Variants in TBX15 observed in about 807,000 individuals in gnomAD.
TBX15 encodes T-box transcription factor TBX15.
In TBX15, 18 loss-of-function variants were observed where a neutral mutation model predicts 53.9. That is an observed-to-expected ratio of 0.33 (90% CI 0.23 to 0.49). The LOEUF is 0.49. Among genes scored for constraint, TBX15 ranks in the 20% least tolerant of loss-of-function variants. The pLI, the probability that TBX15 is intolerant of heterozygous loss-of-function variation, is 0.98. For synonymous variants in TBX15, 295 were observed against 278.0 expected, an observed-to-expected ratio of 1.06 and a Z score of -0.61; for missense variants, 692 against 749.5, an observed-to-expected ratio of 0.92 and a Z score of 0.90.
intron 1 of TBX15, among the ~76,000 whole-genome samples, chr1:118,972,535 G>A (rs1457524614): frequency 6.6e-6 from 1 of 152,120 alleles, no homozygotes; most frequent in Admixed American, 6.5e-5. Flanking sequence ...AAAAGTAGGC[G>A]AGGAGGGTAG....
At chr1:118,921,510 C>T (rs563222865) in intron 5 of TBX15, among the ~76,000 whole-genome samples, 45 of 152,268 alleles carry the variant, frequency 3.0e-4, no homozygotes, top group Admixed American at 2.6e-3. Context: ...AGGCCAATTC[C>T]TCATTTTCTA....
At chr1:118,953,679 T>C (rs1351692827) in intron 1 of TBX15, among the ~76,000 whole-genome samples, 3 of 152,240 alleles carry the variant, frequency 2.0e-5, no homozygotes, top group Non-Finnish European at 4.4e-5. Context: ...ACCAACACTT[T>C]ATACACAGGA....
intron 6 of TBX15, among the ~76,000 whole-genome samples, chr1:118,911,791 G>A (rs534084667): frequency 2.6e-5 from 4 of 152,276 alleles, no homozygotes; most frequent in East Asian, 1.9e-4. Flanking sequence ...CCTGGCACAC[G>A]TCTGTCTTTG....
chr1:118,985,108 T>C (rs1376017552), intron 1 of TBX15, among the ~76,000 whole-genome samples: 2 of 151,736 alleles, frequency 1.3e-5, no homozygotes, highest in African/African-American at 4.8e-5. Flanking sequence ...TGTGTGTTTG[T>C]GTGTGTGTGT....
intron 7 of TBX15, among the ~76,000 whole-genome samples, chr1:118,896,817 G>T (rs1654445176): frequency 6.6e-6 from 1 of 152,056 alleles, no homozygotes; most frequent in African/African-American, 2.4e-5. Flanking sequence ...AGAGGGGATG[G>T]GTGTTGTTGG....
intron 1 of TBX15, among the ~76,000 whole-genome samples, chr1:118,947,360 C>T (rs1423710937): frequency 6.6e-6 from 1 of 152,202 alleles, no homozygotes; most frequent in East Asian, 1.9e-4. Context: ...TAAATACAGT[C>T]AACTGCATTA....
At chr1:118,916,694 T>A (rs1266494123) in intron 5 of TBX15, among the ~76,000 whole-genome samples, 1 of 151,852 alleles carries the variant, frequency 6.6e-6, no homozygotes, top group South Asian at 2.1e-4. Context: ...TGAAACACCA[T>A]CTCTACTTAA....
At chr1:118,947,539 G>C (rs1394391337) in intron 1 of TBX15, among the ~76,000 whole-genome samples, 1 of 152,194 alleles carries the variant, frequency 6.6e-6, no homozygotes, top group Non-Finnish European at 1.5e-5. Context: ...ACACATCTGT[G>C]AGAAGTGGAG....
chr1:118,921,987 A>C (rs973424284), intron 5 of TBX15, among the ~76,000 whole-genome samples: 1 of 152,250 alleles, frequency 6.6e-6, no homozygotes, highest in South Asian at 2.1e-4. Context: ...GTTAGGTAAC[A>C]GCTCTGACCT....
intron 7 of TBX15, among the ~76,000 whole-genome samples, chr1:118,886,621 C>G (rs1368515483): frequency 2.0e-5 from 3 of 152,184 alleles, no homozygotes; most frequent in Non-Finnish European, 4.4e-5. Flanking sequence ...GGCTTAAGAA[C>G]CAATCATACA....
chr1:118,931,244 CT>C (rs1269225303), intron 2 of TBX15, among the ~76,000 whole-genome samples: 1 of 152,148 alleles, frequency 6.6e-6, no homozygotes, highest in Non-Finnish European at 1.5e-5. Flanking sequence ...GCTTTAAATA[CT>C]TTAGAAGATG....
chr1:118,964,066 T>G (rs553783285), intron 1 of TBX15, among the ~76,000 whole-genome samples: 43 of 152,348 alleles, frequency 2.8e-4, no homozygotes, highest in African/African-American at 9.6e-4. Flanking sequence ...CCATGTATCA[T>G]GCTGTGCCCT....
chr1:118,890,111 C>T (rs1654087746), intron 7 of TBX15, among the ~76,000 whole-genome samples: 1 of 152,180 alleles, frequency 6.6e-6, no homozygotes, highest in Non-Finnish European at 1.5e-5. Context: ...GTTTGTTGTA[C>T]ATGCTAGAGG....
At chr1:118,982,528 G>A (rs1050875611) in intron 1 of TBX15, among the ~76,000 whole-genome samples, 2 of 152,140 alleles carry the variant, frequency 1.3e-5, no homozygotes, top group African/African-American at 2.4e-5. Flanking sequence ...CGAGGAACTC[G>A]TTTCCATGTT....
chr1:118,982,173 C>T (rs189303679), intron 1 of TBX15, among the ~76,000 whole-genome samples: 2 of 152,298 alleles, frequency 1.3e-5, no homozygotes, highest in Admixed American at 6.5e-5. Flanking sequence ...CCAATCTGCC[C>T]TTTATCCCTG....
At chr1:118,902,232 G>C (rs1654655639) in intron 6 of TBX15, among the ~76,000 whole-genome samples, 1 of 151,962 alleles carries the variant, frequency 6.6e-6, no homozygotes, top group Admixed American at 6.6e-5. Flanking sequence ...TATTCTACCT[G>C]TTTTATTTGT....
At chr1:118,902,011 C>T (rs992841622) in intron 6 of TBX15, among the ~76,000 whole-genome samples, 6 of 151,992 alleles carry the variant, frequency 3.9e-5, no homozygotes, top group Admixed American at 1.3e-4. Flanking sequence ...ACCATACATG[C>T]CTAACCATGT....
At chr1:118,907,607 C>G (rs1654882154) in intron 6 of TBX15, among the ~76,000 whole-genome samples, 1 of 152,138 alleles carries the variant, frequency 6.6e-6, no homozygotes, top group South Asian at 2.1e-4. Flanking sequence ...TGTCATGCTC[C>G]CTCTAGCTGA....
chr1:118,889,698 A>G (rs1298020603), intron 7 of TBX15, among the ~76,000 whole-genome samples: 1 of 152,246 alleles, frequency 6.6e-6, no homozygotes, highest in Non-Finnish European at 1.5e-5. Flanking sequence ...CATTTTAAGG[A>G]ATTGCCAATA....
Sources: gnomAD v4.1 joint callset for allele counts (sites outside exome capture counted in the v4.1 genomes callset) on GRCh38, gnomAD v4.1.1 for gene constraint, MANE v1.5 for transcripts, NCBI Gene and HGNC (gene_info 2026-07-23, HGNC 2026-07-21) for gene names.